Variants in LRP1B observed in about 807,000 individuals in gnomAD.
LRP1B encodes LDL receptor related protein 1B.
A neutral mutation model predicts 556.6 loss-of-function variants in LRP1B; 217 were observed. The observed-to-expected ratio is 0.39, with a 90% CI of 0.35 to 0.44. LRP1B has a LOEUF of 0.44. LRP1B is among the 20% of genes least tolerant of loss of function. The pLI, the probability that LRP1B is intolerant of heterozygous loss-of-function variation, is 1.00. For missense variants in LRP1B, 5,053 were observed against 5,620.8 expected (o/e 0.90, Z 3.23); for synonymous variants, 2,047 against 1,865.8 (o/e 1.10, Z -2.50).
chr2:141,645,409 G>A (rs1439285712), intron 2 of LRP1B, among the ~76,000 whole-genome samples: 1 of 148,056 alleles, frequency 6.8e-6, no homozygotes, highest in Non-Finnish European at 1.5e-5. Flanking sequence ...CTGTTGATGG[G>A]AAAAGAAAAG....
intron 6 of LRP1B, among the ~76,000 whole-genome samples, chr2:141,205,758 T>A (rs1374596814): frequency 6.6e-6 from 1 of 152,142 alleles, no homozygotes; most frequent in Non-Finnish European, 1.5e-5. Flanking sequence ...TTGAAAAAAA[T>A]TTAACTAGAA....
intron 18 of LRP1B, among the ~76,000 whole-genome samples, chr2:140,956,890 G>C (rs77976362): frequency 0.098 from 14,864 of 151,646 alleles, 911 homozygotes; most frequent in East Asian, 0.19. Context: ...AAATATCACT[G>C]AAATATTTTA....
chr2:141,607,838 G>A (rs551064005), intron 2 of LRP1B, among the ~76,000 whole-genome samples: 79 of 152,278 alleles, frequency 5.2e-4, no homozygotes, highest in African/African-American at 1.7e-3. Flanking sequence ...AGGGGGGATC[G>A]CTTGAGCTTG....
chr2:140,684,970 C>G (rs1157770036), intron 41 of LRP1B, among the ~76,000 whole-genome samples: 1 of 152,116 alleles, frequency 6.6e-6, no homozygotes, highest in Non-Finnish European at 1.5e-5. Flanking sequence ...GCTACTCATA[C>G]ATGCATATTC....
At chr2:140,811,448 A>G (rs1261065044) in intron 32 of LRP1B, among the ~76,000 whole-genome samples, 1 of 152,200 alleles carries the variant, frequency 6.6e-6, no homozygotes, top group Non-Finnish European at 1.5e-5. Context: ...CTACAAGGTA[A>G]CAATTTTATT....
intron 59 of LRP1B, among the ~76,000 whole-genome samples, chr2:140,483,388 C>A (rs1041370577): frequency 7.3e-5 from 11 of 151,654 alleles, no homozygotes; most frequent in African/African-American, 2.7e-4. Flanking sequence ...GATTCAGCTG[C>A]ATTCACTAGA....
intron 66 of LRP1B, among the ~76,000 whole-genome samples, chr2:140,410,231 G>A (rs1684914719): frequency 6.6e-6 from 1 of 151,668 alleles, no homozygotes; most frequent in Admixed American, 6.6e-5. Context: ...TAATCAATCA[G>A]CACAGAACAT....
chr2:140,453,270 A>G lies in LRP1B; in HGVS notation c.9964-2609T>C, dbSNP rs1182345585. Among the ~76,000 whole-genome samples the G allele has an allele frequency of 2.0e-5, 3 of 151,954 alleles. No individual in the cohort carries two copies. The East Asian group carries it at 5.8e-4, about 29-fold the overall frequency. On this transcript the variant is annotated intron_variant, in intron 62 of 90. Transcript: ENST00000389484. ...CTCTTCTTTTGACTTTGAAAATAAC[A>G]TTAAAGGGTTTTGAGTTAAGGGAGG...
intron 43 of LRP1B, among the ~76,000 whole-genome samples, chr2:140,549,470 T>C (rs2105043843): frequency 6.6e-6 from 1 of 152,226 alleles, no homozygotes; most frequent in Admixed American, 6.5e-5. Flanking sequence ...GCCAAAATGG[T>C]GTAAGCCCAC....
intron 14 of LRP1B, among the ~76,000 whole-genome samples, chr2:141,006,665 A>C (rs1385544504): frequency 1.3e-5 from 2 of 152,108 alleles, no homozygotes; most frequent in Non-Finnish European, 2.9e-5. Context: ...ATTTTCTGTA[A>C]AAATATCCTC....
At chr2:141,977,196 T>C (rs1701910299) in intron 1 of LRP1B, among the ~76,000 whole-genome samples, 1 of 152,056 alleles carries the variant, frequency 6.6e-6, no homozygotes, top group African/African-American at 2.4e-5. Context: ...AAATTTTAAA[T>C]CCTATTTCTA....
In LRP1B at chr2:140,623,956, G is replaced by GTGTGTATATATATATATATATATATA. The variant is rs1339496296; in HGVS notation, c.6800-22318_6800-22317insTATATATATATATATATATATACACA. Among the ~76,000 whole-genome samples, 446 of 106,410 alleles carry GTGTGTATATATATATATATATATATA rather than the reference G, an allele frequency of 4.2e-3. 10 individuals are homozygous for GTGTGTATATATATATATATATATATA. Among genetic ancestry groups the GTGTGTATATATATATATATATATATA allele is most frequent in the Middle Eastern group, 0.011 (2 of 188 alleles). 69.8% of individuals were successfully genotyped at this position (106,410 alleles called of 152,430 possible). On this transcript the variant is annotated intron_variant, in intron 41 of 90. Transcript: ENST00000389484. ...AAAATATATATTATATTTTATTTAT[G>GTGTGTATATATATATATATATATATA]TATATATATATATATATAGCTTAGT...
chr2:140,937,900 C>T lies in LRP1B; in HGVS notation c.3136+12335G>A, dbSNP rs1253492308. ...CACTGCTTTGAGTGGATTCAACCTCCGTTGGTAGGACATTTTTTTTTTTTG... is the reference window on the plus strand; with the variant it reads ...CACTGCTTTGAGTGGATTCAACCTCTGTTGGTAGGACATTTTTTTTTTTTG... On this transcript the variant is annotated intron_variant, in intron 20 of 90. Coordinates refer to ENST00000389484, the MANE Select transcript of LRP1B (RefSeq NM_018557.3). Among the ~76,000 whole-genome samples, 3 of 150,762 alleles carry T rather than the reference C, an allele frequency of 2.0e-5. No homozygotes were observed. In the East Asian group the frequency reaches 5.8e-4, roughly 29 times the overall value.
intron 1 of LRP1B, among the ~76,000 whole-genome samples, chr2:141,887,641 C>T (rs1390139536): frequency 2.6e-5 from 4 of 152,124 alleles, no homozygotes; most frequent in African/African-American, 9.7e-5. Context: ...TTTAGTTTTA[C>T]CAGCTGTCTG....
chr2:141,297,524 A>G (rs1232331786), intron 3 of LRP1B, among the ~76,000 whole-genome samples: 2 of 152,150 alleles, frequency 1.3e-5, no homozygotes, highest in Non-Finnish European at 2.9e-5. Flanking sequence ...CATAGTCTAT[A>G]GTCAACATTA....
chr2:141,037,382 G>A (rs1698563898), intron 11 of LRP1B, among the ~76,000 whole-genome samples: 1 of 152,040 alleles, frequency 6.6e-6, no homozygotes, highest in Admixed American at 6.6e-5. Context: ...AGGAAGGAGA[G>A]GATGGAGGGA....
intron 2 of LRP1B, among the ~76,000 whole-genome samples, chr2:141,748,614 A>AGTGTAG (rs1318649505): frequency 7.2e-5 from 11 of 152,148 alleles, no homozygotes; most frequent in Middle Eastern, 3.2e-3. Context: ...ATTATTCTAT[A>AGTGTAG]GTGTAGTCTT....
At chr2:141,339,868 T>C (rs977475447) in intron 3 of LRP1B, among the ~76,000 whole-genome samples, 4 of 152,098 alleles carry the variant, frequency 2.6e-5, no homozygotes, top group Admixed American at 2.6e-4. Context: ...GGGTGTTTAG[T>C]GCACTCATCA....
intron 6 of LRP1B, among the ~76,000 whole-genome samples, chr2:141,200,397 G>T (rs867476226): frequency 1.1e-4 from 16 of 152,220 alleles, no homozygotes; most frequent in East Asian, 1.9e-4. Flanking sequence ...GGGTGGGTGT[G>T]GGGGAGAGCA....
Sources: gnomAD v4.1 joint callset for allele counts (sites outside exome capture counted in the v4.1 genomes callset) on GRCh38, gnomAD v4.1.1 for gene constraint, MANE v1.5 for transcripts, NCBI Gene and HGNC (gene_info 2026-07-23, HGNC 2026-07-21) for gene names.